Variants in MYO16 observed in about 807,000 individuals in gnomAD.
The protein encoded by MYO16 is myosin XVI, also known as unconventional myosin-XVI.
Under a neutral mutation model 205.3 loss-of-function variants are expected in MYO16, and 94 were observed. The observed-to-expected ratio is 0.46, with a 90% CI of 0.39 to 0.54. The LOEUF is 0.54. MYO16 is among the 20% of genes least tolerant of loss of function. The pLI is 0.00. For missense variants in MYO16, 2,315 were observed against 2,387.5 expected, an observed-to-expected ratio of 0.97 and a Z score of 0.63; for synonymous variants, 988 against 954.0, an observed-to-expected ratio of 1.04 and a Z score of -0.66.
intron 27 of MYO16, among the ~76,000 whole-genome samples, chr13:109,085,234 A>C (rs1231783250): frequency 1.3e-5 from 2 of 152,320 alleles, no homozygotes; most frequent in East Asian, 3.9e-4. Flanking sequence ...AGTAAGCAAG[A>C]CCACGCAACA....
chr13:108,826,866 C>T (rs1876298020), intron 9 of MYO16, among the ~76,000 whole-genome samples: 1 of 151,814 alleles, frequency 6.6e-6, no homozygotes. Flanking sequence ...TAATAAAGAA[C>T]AAAAAAATAA....
intron 27 of MYO16, among the ~76,000 whole-genome samples, chr13:109,061,719 T>C (rs1887600084): frequency 6.6e-6 from 1 of 152,198 alleles, no homozygotes; most frequent in African/African-American, 2.4e-5. Flanking sequence ...AGGTTTTAAA[T>C]ATGACAGGCA....
intron 1 of MYO16, among the ~76,000 whole-genome samples, chr13:108,634,874 A>G (rs904471533): frequency 2.6e-5 from 4 of 152,076 alleles, no homozygotes; most frequent in African/African-American, 7.2e-5. Context: ...AGCATCATCT[A>G]TATTTTCCCA....
At chr13:109,195,036 CT>C (rs1171502566) in intron 34 of MYO16, among the ~76,000 whole-genome samples, 2 of 151,002 alleles carry the variant, frequency 1.3e-5, no homozygotes, top group Admixed American at 6.6e-5. Context: ...TTAAAATCAG[CT>C]GCCAAATGCA....
At chr13:108,584,735 T>C in the MYO16 span, among the ~76,000 whole-genome samples, 1 of 152,226 alleles carries the variant, frequency 6.6e-6, no homozygotes, top group Non-Finnish European at 1.5e-5. Context: ...TGTTTTTCTG[T>C]GCCTGGTTTA....
chr13:109,006,066 A>G (rs925922200), intron 21 of MYO16, among the ~76,000 whole-genome samples: 3 of 152,110 alleles, frequency 2.0e-5, no homozygotes, highest in Non-Finnish European at 4.4e-5. Context: ...CTGTCCTTAT[A>G]TGGGCTAGAA....
intron 22 of MYO16, among the ~76,000 whole-genome samples, chr13:109,014,996 A>G (rs1266655734): frequency 1.3e-5 from 2 of 152,162 alleles, no homozygotes; most frequent in Non-Finnish European, 2.9e-5. Flanking sequence ...TTCCAACAAT[A>G]TGTTGAATAG....
At chr13:108,790,690 A>G (rs922461971) in intron 5 of MYO16, among the ~76,000 whole-genome samples, 1 of 152,212 alleles carries the variant, frequency 6.6e-6, no homozygotes, top group African/African-American at 2.4e-5. Context: ...TCCTGAATAT[A>G]TATTTTAAAA....
At chr13:108,942,515 T>G (rs1882773959) in intron 16 of MYO16, among the ~76,000 whole-genome samples, 1 of 152,220 alleles carries the variant, frequency 6.6e-6, no homozygotes, top group South Asian at 2.1e-4. Context: ...AAAAAACTCA[T>G]ATTTTAAATA....
chr13:108,594,126 A>G (rs1017548807), upstream of MYO16, among the ~76,000 whole-genome samples: 7 of 152,306 alleles, frequency 4.6e-5, no homozygotes, highest in African/African-American at 1.7e-4. Flanking sequence ...CTGCTTCTTG[A>G]CCAATTACAG....
intron 16 of MYO16, among the ~76,000 whole-genome samples, chr13:108,953,901 A>G (rs1408729869): frequency 2.4e-4 from 37 of 152,180 alleles, no homozygotes; most frequent in Non-Finnish European, 8.8e-5. Context: ...TTTTCTGGCT[A>G]CAGAGGAAAA....
chr13:108,924,437 G>C (rs1361347622), intron 16 of MYO16, among the ~76,000 whole-genome samples: 2 of 152,098 alleles, frequency 1.3e-5, no homozygotes, highest in Non-Finnish European at 2.9e-5. Context: ...ATCCTAATAA[G>C]GTGCTCCAGG....
chr13:108,622,389 T>C (rs890158423), intron 1 of MYO16, among the ~76,000 whole-genome samples: 3 of 152,002 alleles, frequency 2.0e-5, no homozygotes, highest in Non-Finnish European at 4.4e-5. Flanking sequence ...TGACCTGACC[T>C]TTAGGGAGTG....
intron 4 of MYO16, among the ~76,000 whole-genome samples, chr13:108,745,179 G>C (rs1032095703): frequency 4.6e-5 from 7 of 152,184 alleles, no homozygotes; most frequent in African/African-American, 9.7e-5. Flanking sequence ...TAGAATCTGA[G>C]GGGATGAAGA....
chr13:108,918,578 C>A (rs1475941819), intron 16 of MYO16, among the ~76,000 whole-genome samples: 1 of 152,216 alleles, frequency 6.6e-6, no homozygotes, highest in Non-Finnish European at 1.5e-5. Context: ...GAGGGCCTAT[C>A]TCCAGCAGTC....
upstream of MYO16, among the ~76,000 whole-genome samples, chr13:108,626,567 G>A (rs576357846): frequency 9.2e-5 from 14 of 152,080 alleles, no homozygotes; most frequent in African/African-American, 3.4e-4. Flanking sequence ...CAGCACTTTG[G>A]GAAGCCAAGG....
intron 23 of MYO16, among the ~76,000 whole-genome samples, chr13:109,022,306 ATT>A: frequency 4.7e-5 from 1 of 21,494 alleles, no homozygotes; most frequent in East Asian, 4.6e-3. Context: ...ACAAATATAT[ATT>A]TATATATTAT....
the MYO16 span, among the ~76,000 whole-genome samples, chr13:108,587,688 C>A: frequency 6.6e-6 from 1 of 151,828 alleles, no homozygotes; most frequent in Non-Finnish European, 1.5e-5. Context: ...ATTTTTCCAC[C>A]ACACAACATT....
intron 1 of MYO16, among the ~76,000 whole-genome samples, chr13:108,662,036 G>T (rs925081846): frequency 5.3e-5 from 8 of 152,164 alleles, no homozygotes; most frequent in African/African-American, 1.9e-4. Flanking sequence ...GAGCCAAACT[G>T]CAGTGATTGT....
Sources: gnomAD v4.1 joint callset for allele counts (sites outside exome capture counted in the v4.1 genomes callset) on GRCh38, gnomAD v4.1.1 for gene constraint, MANE v1.5 for transcripts, NCBI Gene and HGNC (gene_info 2026-07-23, HGNC 2026-07-21) for gene names.